The following CCT6B variants were observed in gnomAD, a reference collection of about 807,000 sequenced individuals.
The protein encoded by CCT6B is probable T-complex protein 1 subunit zeta-2.
Under a neutral mutation model 61.5 loss-of-function variants are expected in CCT6B, and 49 were observed. The ratio of observed to expected loss-of-function variants is 0.80; its 90% confidence interval spans 0.63 to 1.01. The LOEUF (loss-of-function observed/expected upper bound fraction) is 1.01, where lower values mean the gene tolerates loss of function less well. CCT6B is among the 50% of genes least tolerant of loss of function. The pLI is 0.00. For synonymous variants in CCT6B, 228 were observed against 214.5 expected (o/e 1.06, Z -0.55); for missense variants, 666 against 634.7 (o/e 1.05, Z -0.53).
chr17:34,943,136 C>A (rs1038519974), intron 5 of CCT6B: 3 of 396,782 alleles, frequency 7.6e-6, no homozygotes, highest in Admixed American at 4.0e-5. Context: ...CCTGCCTCAG[C>A]CTCCCAAGTA....
At chr17:34,953,673 C>A (rs982347304) in intron 4 of CCT6B, among the ~76,000 whole-genome samples, 1 of 151,974 alleles carries the variant, frequency 6.6e-6, no homozygotes, top group Non-Finnish European at 1.5e-5. Context: ...AAAACACTGG[C>A]CAGATGTGGT....
intron 5 of CCT6B, among the ~76,000 whole-genome samples, chr17:34,948,303 T>C (rs1205266887): frequency 6.6e-6 from 1 of 152,156 alleles, no homozygotes. Context: ...AATGCTCCTG[T>C]TAATAAAGAG....
At chr17:34,928,548 C>A (rs369088867) in intron 13 of CCT6B, among the ~76,000 whole-genome samples, 1 of 152,152 alleles carries the variant, frequency 6.6e-6, no homozygotes, top group Non-Finnish European at 1.5e-5. Flanking sequence ...GCTGGGATTA[C>A]GGGTGTGAGC....
At chr17:34,952,834 TTTTA>T (rs1597758248) in intron 4 of CCT6B, among the ~76,000 whole-genome samples, 1 of 152,192 alleles carries the variant, frequency 6.6e-6, no homozygotes, top group East Asian at 1.9e-4. Flanking sequence ...TGACATAATA[TTTTA>T]TTTTAGAGGC....
Position 34,942,791 on chromosome 17 carries a change from C to G in CCT6B, c.725+5G>C. 3 of 1,572,188 alleles carry G rather than the reference C, an allele frequency of 1.9e-6. No individual in the cohort carries two copies. Among genetic ancestry groups the G allele is most frequent in the Non-Finnish European group, 2.6e-6 (3 of 1,151,720 alleles). On this transcript the variant is annotated splice_donor_5th_base_variant and intron_variant, in intron 6 of 13. Coordinates refer to ENST00000314144, the MANE Select transcript of CCT6B (RefSeq NM_006584.4). ...CAAAAGTTATAAAGAGAAAGTAACACGCACGTTTTTTCATATTCCAGTGAA... is the reference window on the plus strand; with the variant it reads ...CAAAAGTTATAAAGAGAAAGTAACAGGCACGTTTTTTCATATTCCAGTGAA...
In CCT6B at chr17:34,931,068, AATAATAT is replaced by A. The variant is rs1355954240; in HGVS notation, c.1348-24_1348-18del. On this transcript the variant is annotated intron_variant, in intron 11 of 13. Coordinates refer to ENST00000314144, the MANE Select transcript of CCT6B (RefSeq NM_006584.4). Reference sequence around the variant, plus strand: ...AGCAAGAACCTTTAGGAATAAAAATAATAATATATATTATATATATATGCATAATACC... The same window carrying A: ...AGCAAGAACCTTTAGGAATAAAAATAATATTATATATATATGCATAATACC... The A allele has an allele frequency of 2.2e-6, 2 of 922,868 alleles. No homozygotes were observed. The highest frequency in any genetic ancestry group is 3.4e-5 in the African/African-American group (2 of 59,618). 57.2% of individuals were successfully genotyped at this position (922,868 alleles called of 1,614,324 possible).
At chr17:34,958,489 C>A in intron 3 of CCT6B, 71 bp downstream of exon 3, 1 of 916,920 alleles carries the variant, frequency 1.1e-6, no homozygotes, top group Admixed American at 3.1e-5. Flanking sequence ...CTGTCTAAAA[C>A]TCAACCATTT....
Position 34,961,360 on chromosome 17 carries a change from C to T in CCT6B, c.34G>A (p.Glu12Lys), listed in dbSNP as rs1161193649. ...AAIKAVNSKA[E>K]VARARAALAV... is the part of the protein sequence containing the mutation. Reference sequence around the variant, plus strand: ...AAAGCTGCCCGGGCCCGCGCCACCTCAGCCTTGGAGTTGACGGCCTTTATC... The same window carrying T: ...AAAGCTGCCCGGGCCCGCGCCACCTTAGCCTTGGAGTTGACGGCCTTTATC... The change falls in exon 1 of 14, where the codon GAG (glutamate) becomes AAG (lysine). Residue 12 changes from glutamate to lysine, a missense_variant. Glu to Lys is a moderately conservative substitution (Grantham distance 56). Coordinates refer to ENST00000314144, the MANE Select transcript of CCT6B (RefSeq NM_006584.4). 1 of 1,611,956 alleles carries T rather than the reference C, an allele frequency of 6.2e-7. No individual in the cohort carries two copies. The highest frequency in any genetic ancestry group is 8.5e-7 in the Non-Finnish European group (1 of 1,179,882).
Position 34,932,414 on chromosome 17 carries a change from G to A in CCT6B, c.1300C>T (p.Arg434Cys), listed in dbSNP as rs769274246. Residue 434 changes from arginine (R) to cysteine (C), a missense_variant, in exon 11 of 14, where the codon CGT (arginine) becomes TGT (cysteine). Arg to Cys is a radical substitution (Grantham distance 180). Coordinates refer to ENST00000314144, the MANE Select transcript of CCT6B (RefSeq NM_006584.4). ...TYKNSIKGRA[R>C]LGVQAFADAL... is the part of the protein sequence containing the mutation. The stretch of plus-strand genomic sequence containing the variant: ...TCAGCAAAAGCTTGGACTCCAAGAC[G>A]AGCTCTTCCTTTTATACTGTTCTTA... 1.3e-5 allele frequency: 21 copies of A among 1,611,836 alleles called. 1 individual carries two copies. The highest frequency in any genetic ancestry group is 1.2e-4 in the African/African-American group (9 of 74,820).
intron 8 of CCT6B, among the ~76,000 whole-genome samples, chr17:34,940,144 T>G (rs2090144551): frequency 6.6e-6 from 1 of 152,196 alleles, no homozygotes; most frequent in African/African-American, 2.4e-5. Flanking sequence ...ACTGAAATTT[T>G]GTATCCTTTG....
intron 12 of CCT6B, among the ~76,000 whole-genome samples, chr17:34,930,378 C>T (rs528766851): frequency 1.1e-4 from 17 of 152,344 alleles, no homozygotes; most frequent in African/African-American, 3.6e-4. Flanking sequence ...CCTGCATGAT[C>T]TGACCTTCTG....
chr17:34,928,949 C>A lies in CCT6B; in HGVS notation c.1523+13G>T. The A allele has an allele frequency of 7.0e-7, 1 of 1,427,328 alleles. No homozygotes were observed. Among genetic ancestry groups the A allele is most frequent in the South Asian group, 1.2e-5 (1 of 85,084 alleles). The allele number at this position is 1,427,328 out of a possible 1,614,324, so 88.4% of individuals were successfully genotyped here. A position where few individuals can be genotyped will look rare whatever the true frequency, so the allele number is the denominator to read the frequency against. On this transcript the variant is annotated intron_variant, in intron 13 of 13. Coordinates refer to ENST00000314144, the MANE Select transcript of CCT6B (RefSeq NM_006584.4). ...CTCTACAGGTCTTTCACTTTATGTT[C>A]ATATGAACTTACCAAGAGTGAAGAA...
intron 4 of CCT6B, among the ~76,000 whole-genome samples, chr17:34,953,336 TA>T (rs139044468): frequency 0.18 from 25,670 of 143,260 alleles, 2,800 homozygotes; most frequent in East Asian, 0.5. Flanking sequence ...TATATATATA[TA>T]TATATTTTTT....
chr17:34,959,291 ATTTTTTTT>A (rs1160595019), intron 2 of CCT6B, among the ~76,000 whole-genome samples: 1 of 129,474 alleles, frequency 7.7e-6, no homozygotes, highest in African/African-American at 2.9e-5. Flanking sequence ...ACTGAGCAAA[ATTTTTTTT>A]TTTTTTTTTT....
intron 4 of CCT6B, among the ~76,000 whole-genome samples, chr17:34,953,339 ATATT>A (rs1293148073): frequency 1.4e-5 from 2 of 142,136 alleles, no homozygotes; most frequent in African/African-American, 5.1e-5. Flanking sequence ...ATATATATAT[ATATT>A]TTTTTGAGAC....
Position 34,939,319 on chromosome 17 carries a change from CTT to C in CCT6B, c.1075_1076del (p.Lys359ValfsTer5). 6.2e-7 allele frequency: 1 copy of C among 1,612,720 alleles called. No individual in the cohort carries two copies. Among genetic ancestry groups the C allele is most frequent in the Non-Finnish European group, 8.5e-7 (1 of 1,179,314 alleles). ...TAACACACTCCTCAATAAAAGTGAA[CTT>C]TTCTTCACCCTAAAGGGTGGCACAA... ...LVYEYTLGEE[K>X]FTFIEECVNP... is the part of the protein sequence containing the mutation. On this transcript the variant is annotated frameshift_variant, in exon 10 of 14. Coordinates refer to ENST00000314144, the MANE Select transcript of CCT6B (RefSeq NM_006584.4). LOFTEE classifies it high-confidence loss of function.
chr17:34,949,256 G>A (rs969932610), intron 5 of CCT6B, among the ~76,000 whole-genome samples: 3 of 151,716 alleles, frequency 2.0e-5, no homozygotes, highest in African/African-American at 7.3e-5. Flanking sequence ...GGGAGTTCAA[G>A]ACCAGCCGGA....
intron 2 of CCT6B, among the ~76,000 whole-genome samples, chr17:34,959,355 TC>T (rs1407314591): frequency 6.7e-6 from 1 of 148,964 alleles, no homozygotes; most frequent in Admixed American, 6.8e-5. Flanking sequence ...GGTCTTGAAC[TC>T]CTGGGCTCAA....
At chr17:34,940,413 AT>A (rs2090149844) in intron 8 of CCT6B, 125 bp downstream of exon 8, 1 of 578,760 alleles carries the variant, frequency 1.7e-6, no homozygotes, top group Non-Finnish European at 3.1e-6. Flanking sequence ...TAAAAACAAA[AT>A]TTGGATTTTT....
Sources: gnomAD v4.1 joint callset for allele counts (sites outside exome capture counted in the v4.1 genomes callset) on GRCh38, gnomAD v4.1.1 for gene constraint, MANE v1.5 for transcripts, NCBI Gene and HGNC (gene_info 2026-07-23, HGNC 2026-07-21) for gene names.